CATSPERT: variants seen among roughly 807,000 people sequenced by gnomAD.
CATSPERT encodes catsper channel auxiliary subunit tau.
the CATSPERT span, among the ~76,000 whole-genome samples, chr2:201,544,993 T>A: frequency 8.4e-6 from 1 of 118,904 alleles, no homozygotes; most frequent in African/African-American, 3.0e-5. Flanking sequence ...CTAGACCCTG[T>A]CTCAGATAAT....
chr2:201,562,001 T>C, the CATSPERT span, among the ~76,000 whole-genome samples: 5 of 152,062 alleles, frequency 3.3e-5, no homozygotes, highest in African/African-American at 1.2e-4. Context: ...TCCACCTATC[T>C]TGTCTCAAGC....
At chr2:201,613,162 A>G in the CATSPERT span, among the ~76,000 whole-genome samples, 2 of 152,228 alleles carry the variant, frequency 1.3e-5, no homozygotes, top group Admixed American at 1.3e-4. Context: ...AGAAACTTCT[A>G]CAGACTTAAA....
At chr2:201,521,464 A>G in the CATSPERT span, among the ~76,000 whole-genome samples, 1 of 152,090 alleles carries the variant, frequency 6.6e-6, no homozygotes, top group African/African-American at 2.4e-5. Flanking sequence ...AGAGACACAC[A>G]GAGAGAGGTG....
chr2:201,583,500 A>G, the CATSPERT span, among the ~76,000 whole-genome samples: 1 of 152,272 alleles, frequency 6.6e-6, no homozygotes, highest in Non-Finnish European at 1.5e-5. Flanking sequence ...CAGATACTTA[A>G]AATGGTTTAC....
At chr2:201,579,315 C>T in the CATSPERT span, among the ~76,000 whole-genome samples, 1 of 152,218 alleles carries the variant, frequency 6.6e-6, no homozygotes, top group South Asian at 2.1e-4. Context: ...TCATGGCTCA[C>T]TGCAGCCTCG....
the CATSPERT span, among the ~76,000 whole-genome samples, chr2:201,577,275 C>T: frequency 6.6e-6 from 1 of 152,022 alleles, no homozygotes; most frequent in Non-Finnish European, 1.5e-5. Flanking sequence ...GTCCAAAATG[C>T]CTCTGGTCCC....
chr2:201,591,515 T>C, the CATSPERT span, among the ~76,000 whole-genome samples: 13 of 152,170 alleles, frequency 8.5e-5, no homozygotes, highest in Non-Finnish European at 7.4e-5. Flanking sequence ...TTTCCAATTC[T>C]GTGAAGAAAG....
the CATSPERT span, among the ~76,000 whole-genome samples, chr2:201,516,748 A>AT: frequency 0.016 from 1,950 of 119,780 alleles, 20 homozygotes; most frequent in East Asian, 0.023. Flanking sequence ...TTTTGTGGAG[A>AT]TTTTTTTTCC....
chr2:201,588,599 T>C, the CATSPERT span, among the ~76,000 whole-genome samples: 1 of 42,104 alleles, frequency 2.4e-5, no homozygotes, highest in African/African-American at 6.5e-5. Context: ...TTCCCTACTC[T>C]TTTTTTTTTT....
chr2:201,545,629 C>CAATAA, the CATSPERT span: 1 of 143,216 alleles, frequency 7.0e-6, no homozygotes, highest in Non-Finnish European at 1.1e-5. Context: ...TTCCTAGAAG[C>CAATAA]AAAAAAAAAA....
chr2:201,558,187 A>G, the CATSPERT span: 1 of 152,250 alleles, frequency 6.6e-6, no homozygotes, highest in African/African-American at 2.4e-5. Flanking sequence ...CAGTGAAAAC[A>G]ACCTCCTCCT....
chr2:201,522,470 A>G, the CATSPERT span, among the ~76,000 whole-genome samples: 1 of 152,066 alleles, frequency 6.6e-6, no homozygotes, highest in Non-Finnish European at 1.5e-5. Context: ...GGATGGAGGG[A>G]GGATGCAGAC....
the CATSPERT span, chr2:201,494,051 T>C: frequency 1.3e-6 from 2 of 1,535,106 alleles, no homozygotes; most frequent in East Asian, 2.4e-5. Flanking sequence ...ATTATTTGAC[T>C]ACCTTCTGAA....
At chr2:201,562,276 C>T in the CATSPERT span, among the ~76,000 whole-genome samples, 3 of 151,496 alleles carry the variant, frequency 2.0e-5, no homozygotes, top group Non-Finnish European at 2.9e-5. Flanking sequence ...AAACCTCCCC[C>T]TCTTGGGTTC....
the CATSPERT span, among the ~76,000 whole-genome samples, chr2:201,528,957 C>T: frequency 6.6e-6 from 1 of 152,022 alleles, no homozygotes; most frequent in African/African-American, 2.4e-5. Flanking sequence ...TTTCTATACA[C>T]AGTGAGCTAG....
chr2:201,610,331 G>A, the CATSPERT span, among the ~76,000 whole-genome samples: 34 of 152,140 alleles, frequency 2.2e-4, no homozygotes, highest in Middle Eastern at 6.8e-3. Flanking sequence ...GGTGGCGGGC[G>A]CCTGTAGTCT....
the CATSPERT span, among the ~76,000 whole-genome samples, chr2:201,519,862 G>T: frequency 6.6e-6 from 1 of 152,122 alleles, no homozygotes; most frequent in African/African-American, 2.4e-5. Context: ...ATTAAATGCC[G>T]ATTTTAAAAA....
At chr2:201,507,177 C>T in the CATSPERT span, among the ~76,000 whole-genome samples, 3 of 151,884 alleles carry the variant, frequency 2.0e-5, no homozygotes, top group African/African-American at 7.3e-5. Flanking sequence ...CAAAGTGAAC[C>T]AATATAAAAT....
chr2:201,585,407 G>GAA, the CATSPERT span, among the ~76,000 whole-genome samples: 170 of 122,910 alleles, frequency 1.4e-3, no homozygotes, highest in African/African-American at 4.6e-3. Context: ...TACAGAACAA[G>GAA]AAAAAAAAAA....
Sources: allele counts gnomAD v4.1 joint callset (sites outside exome capture counted in the v4.1 genomes callset), GRCh38; gene constraint gnomAD v4.1.1; transcripts MANE v1.5; gene names NCBI Gene and HGNC (gene_info 2026-07-23, HGNC 2026-07-21).